The following ARNT variants were observed in gnomAD, a reference collection of about 807,000 sequenced individuals.
ARNT encodes the protein aryl hydrocarbon receptor nuclear translocator.
In ARNT, 30 loss-of-function variants were observed where a neutral mutation model predicts 105.0. That is an observed-to-expected ratio of 0.29 (90% CI 0.21 to 0.39). The LOEUF is 0.39. Among genes scored for constraint, ARNT ranks in the 10% least tolerant of loss-of-function variants. The pLI is 1.00. For synonymous variants in ARNT, 304 were observed against 344.0 expected, an observed-to-expected ratio of 0.88 and a Z score of 1.29; for missense variants, 748 against 978.7, an observed-to-expected ratio of 0.76 and a Z score of 3.15.
chr1:150,839,371 C>G, intron 6 of ARNT, 70 bp downstream of exon 6: 2 of 1,535,378 alleles, frequency 1.3e-6, no homozygotes, highest in Admixed American at 1.8e-5. Context: ...GAATTCTTGT[C>G]CAAAAAACGA....
intron 2 of ARNT, 97 bp downstream of exon 2, chr1:150,858,252 G>C (rs587719145): frequency 3.5e-6 from 3 of 860,522 alleles, no homozygotes; most frequent in Non-Finnish European, 5.6e-6. Context: ...AAGTGAGATG[G>C]TCAGGAATAG....
At chr1:150,813,417 A>G (rs1655152173) in intron 20 of ARNT, 79 bp from the exon 21 acceptor site, 2 of 1,417,996 alleles carry the variant, frequency 1.4e-6, no homozygotes, top group Admixed American at 5.1e-5. Flanking sequence ...GTAAACAACT[A>G]TAGGTAAGCC....
intron 11 of ARNT, 139 bp from the exon 12 acceptor site, chr1:150,829,366 G>T: frequency 1.1e-6 from 1 of 896,718 alleles, no homozygotes; most frequent in Non-Finnish European, 1.7e-6. Context: ...ATCCAAAAAG[G>T]AAAAAAAAAT....
intron 14 of ARNT, among the ~76,000 whole-genome samples, chr1:150,822,418 A>C (rs998900482): frequency 1.3e-5 from 2 of 152,118 alleles, no homozygotes; most frequent in African/African-American, 2.4e-5. Context: ...CCGGTACCTA[A>C]GGTTAAGTTG....
At chr1:150,873,899 G>A (rs1481569178) in intron 1 of ARNT, among the ~76,000 whole-genome samples, 2 of 151,372 alleles carry the variant, frequency 1.3e-5, no homozygotes, top group Admixed American at 6.6e-5. Flanking sequence ...CAGTCTGGGA[G>A]ACAGAGCAAG....
At chr1:150,851,023 G>A (rs1663326951) in intron 3 of ARNT, among the ~76,000 whole-genome samples, 1 of 147,878 alleles carries the variant, frequency 6.8e-6, no homozygotes, top group South Asian at 2.1e-4. Context: ...CACCCCGTCT[G>A]AGAAGTGAGG....
chr1:150,846,373 T>C, intron 3 of ARNT, 66 bp from the exon 4 acceptor site: 2 of 1,515,730 alleles, frequency 1.3e-6, no homozygotes, highest in South Asian at 1.2e-5. Context: ...CTCTGAAAAG[T>C]AAACTAGAAA....
intron 1 of ARNT, among the ~76,000 whole-genome samples, chr1:150,867,213 C>A (rs1445530805): frequency 4.6e-5 from 6 of 129,560 alleles, no homozygotes; most frequent in African/African-American, 1.4e-4. Context: ...TTAAAAAAAA[C>A]AACAACAACA....
At chr1:150,841,141 G>A (rs956385574) in intron 5 of ARNT, among the ~76,000 whole-genome samples, 1 of 148,798 alleles carries the variant, frequency 6.7e-6, no homozygotes, top group African/African-American at 2.5e-5. Context: ...TAGTAGAGAC[G>A]CGGTTTCACC....
intron 6 of ARNT, 104 bp downstream of exon 6, chr1:150,839,337 T>G (rs906963832): frequency 8.6e-7 from 1 of 1,156,242 alleles, no homozygotes; most frequent in African/African-American, 1.5e-5. Flanking sequence ...GTTTTCCCAT[T>G]GTCTGACTTC....
intron 1 of ARNT, among the ~76,000 whole-genome samples, chr1:150,871,907 CAAAAAAAAAAA>C (rs776523588): frequency 2.2e-4 from 9 of 40,086 alleles, no homozygotes; most frequent in African/African-American, 9.0e-4. Flanking sequence ...GACCCTGTCT[CAAAAAAAAAAA>C]AAAAAAAAAA....
chr1:150,854,920 C>T (rs1191386254), intron 2 of ARNT, among the ~76,000 whole-genome samples: 1 of 144,310 alleles, frequency 6.9e-6, no homozygotes, highest in African/African-American at 2.5e-5. Flanking sequence ...AAGGTAATTG[C>T]TAAGTCAAAG....
rs774985804 is a variant in ARNT at position 150,832,323 on chromosome 1, T to C, written c.869+11A>G. The C allele has an allele frequency of 1.2e-6, 2 of 1,614,116 alleles. No individual in the cohort carries two copies. The highest frequency in any genetic ancestry group is 1.1e-5 in the South Asian group (1 of 91,084). ...GGCCATCCCTTTGGTTTTCACCACT[T>C]AGGATCTCACCTGCATCTGTTCCTC... On this transcript the variant is annotated intron_variant, in intron 9 of 21. Transcript: ENST00000358595.
chr1:150,824,191 G>A (rs1657720415), intron 13 of ARNT, among the ~76,000 whole-genome samples: 1 of 150,858 alleles, frequency 6.6e-6, no homozygotes, highest in Non-Finnish European at 1.5e-5. Context: ...TGCATTTTTT[G>A]CCATTTAAAA....
chr1:150,817,550 G>A (rs979054649), intron 15 of ARNT, 117 bp from the exon 16 acceptor site: 116 of 966,886 alleles, frequency 1.2e-4, no homozygotes, highest in Admixed American at 8.2e-4. Flanking sequence ...GCTCATGCCT[G>A]TAATCCCAAC....
chr1:150,862,920 G>A (rs1053104756), intron 1 of ARNT, among the ~76,000 whole-genome samples: 4 of 151,098 alleles, frequency 2.6e-5, no homozygotes, highest in Non-Finnish European at 4.4e-5. Context: ...GCATGGTGGC[G>A]CACACCTGTA....
In ARNT at chr1:150,848,385, G is replaced by A. The variant is rs587640415; in HGVS notation, c.183-2078C>T. ...GCAGGAGAATAGCTTGAACTCAGGA[G>A]GCGGAGGACGCAATGAGCAGAGATC... On this transcript the variant is annotated intron_variant, in intron 3 of 21. Transcript: ENST00000358595. Among the ~76,000 whole-genome samples the A allele has an allele frequency of 2.6e-5, 4 of 152,042 alleles. No individual in the cohort carries two copies. In the South Asian group the frequency reaches 8.3e-4, roughly 32 times the overall value.
intron 13 of ARNT, among the ~76,000 whole-genome samples, chr1:150,824,291 CT>C (rs1324888669): frequency 3.3e-5 from 5 of 151,866 alleles, no homozygotes; most frequent in Non-Finnish European, 7.4e-5. Flanking sequence ...AAGGAAAAGA[CT>C]GTTTCCCTAC....
chr1:150,862,704 T>C (rs1233483174), intron 1 of ARNT, among the ~76,000 whole-genome samples: 3 of 115,882 alleles, frequency 2.6e-5, no homozygotes, highest in African/African-American at 3.6e-5. Context: ...AGTGAGATCC[T>C]GCCTCTGTAA....
Sources: gnomAD v4.1 joint callset for allele counts (sites outside exome capture counted in the v4.1 genomes callset) on GRCh38, gnomAD v4.1.1 for gene constraint, MANE v1.5 for transcripts, NCBI Gene and HGNC (gene_info 2026-07-23, HGNC 2026-07-21) for gene names.